KCNH5: variants seen among roughly 807,000 people sequenced by gnomAD.
KCNH5 encodes voltage-gated delayed rectifier potassium channel KCNH5.
KCNH5 carries 46 observed loss-of-function variants against 96.1 expected under a neutral mutation model. The observed-to-expected ratio is 0.48, with a 90% CI of 0.38 to 0.61. The LOEUF (loss-of-function observed/expected upper bound fraction) is 0.61, where lower values mean the gene tolerates loss of function less well. Among genes scored for constraint, KCNH5 ranks in the 20% least tolerant of loss-of-function variants. The pLI, the probability that KCNH5 is intolerant of heterozygous loss-of-function variation, is 0.00. For missense variants in KCNH5, 907 were observed against 1,225.8 expected, an observed-to-expected ratio of 0.74 and a Z score of 3.88; for synonymous variants, 439 against 449.8, an observed-to-expected ratio of 0.98 and a Z score of 0.30.
intron 7 of KCNH5, among the ~76,000 whole-genome samples, chr14:62,928,393 T>C (rs1392877908): frequency 2.0e-5 from 3 of 152,112 alleles, no homozygotes; most frequent in Non-Finnish European, 2.9e-5. Flanking sequence ...AGATTATGAC[T>C]GACAATTAAT....
At chr14:62,882,549 G>A (rs1244371605) in intron 7 of KCNH5, among the ~76,000 whole-genome samples, 1 of 152,192 alleles carries the variant, frequency 6.6e-6, no homozygotes, top group African/African-American at 2.4e-5. Context: ...AGCAGACTGT[G>A]GAGTAGGACC....
At chr14:62,733,762 T>A (rs902430655) in intron 10 of KCNH5, among the ~76,000 whole-genome samples, 1 of 152,186 alleles carries the variant, frequency 6.6e-6, no homozygotes, top group Non-Finnish European at 1.5e-5. Context: ...CACTTTACTC[T>A]TCCAGTAAAT....
intron 2 of KCNH5, among the ~76,000 whole-genome samples, chr14:63,009,563 AG>A (rs1308635118): frequency 6.6e-6 from 1 of 152,184 alleles, no homozygotes; most frequent in Non-Finnish European, 1.5e-5. Context: ...ATGTATTTGA[AG>A]GGGTGACATG....
In KCNH5 at chr14:62,706,873, G is replaced by A. The variant is rs748457248; in HGVS notation, c.*635C>T. On this transcript the variant is annotated 3_prime_UTR_variant, in exon 11 of 11. Transcript: ENST00000322893. The stretch of plus-strand genomic sequence containing the variant: ...CTATCTAAGTATAATGTTAAAAAAC[G>A]AGAGGTATAGTTGATCAAAAATGTA... The A allele has an allele frequency of 4.6e-5, 7 of 152,128 alleles. No individual in the cohort carries two copies. The highest frequency in any genetic ancestry group is 4.4e-5 in the Non-Finnish European group (3 of 67,998). The allele number at this position is 152,128 out of a possible 1,614,324, so 9.4% of individuals were successfully genotyped here.
chr14:62,812,015 G>C (rs369699436), intron 8 of KCNH5, among the ~76,000 whole-genome samples: 4 of 152,262 alleles, frequency 2.6e-5, no homozygotes, highest in African/African-American at 9.6e-5. Context: ...CAGATAAAGT[G>C]AATGTGTCTC....
rs191593313 is a variant in KCNH5, at chr14:63,038,720, A to G, written c.73+6394T>C. Among the ~76,000 whole-genome samples the G allele has an allele frequency of 1.4e-4, 22 of 152,198 alleles. No homozygotes were observed. The East Asian group carries it at 4.0e-3, about 28-fold the overall frequency. ...TGATGTCTAAAATACACACTGATCT[A>G]TGTGACAATAGTTATTACTGCCTCC... On this transcript the variant is annotated intron_variant, in intron 1 of 10. Coordinates refer to ENST00000322893, the MANE Select transcript of KCNH5 (RefSeq NM_139318.5).
chr14:62,990,534 G>A (rs1279687483), intron 4 of KCNH5, among the ~76,000 whole-genome samples: 1 of 151,824 alleles, frequency 6.6e-6, no homozygotes, highest in Non-Finnish European at 1.5e-5. Context: ...AATAAAAATA[G>A]GACTATCATT....
chr14:62,878,274 C>A (rs1888423173), intron 7 of KCNH5, among the ~76,000 whole-genome samples: 1 of 151,534 alleles, frequency 6.6e-6, no homozygotes, highest in African/African-American at 2.4e-5. Flanking sequence ...GTCCAGCACA[C>A]CAGCATGGCA....
Position 62,950,454 on chromosome 14 carries a change from C to A in KCNH5, c.1048G>T (p.Val350Leu), listed in dbSNP as rs770570424. 1.9e-6 allele frequency: 3 copies of A among 1,613,716 alleles called. No homozygotes were observed. Among genetic ancestry groups the A allele is most frequent in the Non-Finnish European group, 2.5e-6 (3 of 1,179,954 alleles). ...AGTCCAAACACACACACCAGGAGCA[C>A]GAGGACTGCTGCTCCATATTCTAGG... ...HYLEYGAAVL[V>L]LLVCVFGLVA... is the part of the protein sequence containing the mutation. Residue 350 changes from valine (V) to leucine (L), a missense_variant, in exon 7 of 11, where the codon GTG becomes TTG. By Grantham distance (32) the Val-to-Leu change is conservative. Transcript: ENST00000322893.
chr14:62,808,750 T>C (rs1886818317), intron 8 of KCNH5, among the ~76,000 whole-genome samples: 1 of 152,138 alleles, frequency 6.6e-6, no homozygotes, highest in Admixed American at 6.6e-5. Flanking sequence ...ATAATTGTTA[T>C]GTAAAACTGT....
At chr14:62,794,779 T>C (rs1886505597) in intron 9 of KCNH5, among the ~76,000 whole-genome samples, 2 of 152,098 alleles carry the variant, frequency 1.3e-5, no homozygotes, top group South Asian at 4.1e-4. Flanking sequence ...GAAAATATGA[T>C]TTTCCTTTCT....
At chr14:62,978,535 C>G (rs374345683) in intron 6 of KCNH5, among the ~76,000 whole-genome samples, 224 of 148,708 alleles carry the variant, frequency 1.5e-3, no homozygotes, top group African/African-American at 5.3e-3. Flanking sequence ...TGCAGTGAGC[C>G]GAGACAGAGC....
intron 1 of KCNH5, among the ~76,000 whole-genome samples, chr14:63,038,288 GTGGAGGACATAAAAGTCTTTT>G (rs1891759636): frequency 6.6e-6 from 1 of 152,220 alleles, no homozygotes; most frequent in Non-Finnish European, 1.5e-5. Flanking sequence ...GCTCTGCACA[GTGGAGGACATAAAAGTCTTTT>G]TAAGATATGA....
intron 7 of KCNH5, among the ~76,000 whole-genome samples, chr14:62,868,107 A>G (rs7149076): frequency 0.02 from 3,094 of 152,360 alleles, 57 homozygotes; most frequent in East Asian, 0.081. Context: ...GAACAAATCA[A>G]TCATTGAGTG....
At chr14:62,844,301 G>C (rs1170424022) in intron 8 of KCNH5, among the ~76,000 whole-genome samples, 1 of 151,742 alleles carries the variant, frequency 6.6e-6, no homozygotes, top group Non-Finnish European at 1.5e-5. Flanking sequence ...TATGCAACAA[G>C]CTGAAAAAAA....
intron 7 of KCNH5, among the ~76,000 whole-genome samples, chr14:62,886,162 G>T (rs927550342): frequency 8.6e-6 from 1 of 116,088 alleles, no homozygotes; most frequent in African/African-American, 3.0e-5. Flanking sequence ...ACACACACAA[G>T]AATATCACTC....
At chr14:62,807,703 A>T (rs1595631642) in intron 8 of KCNH5, among the ~76,000 whole-genome samples, 1 of 151,918 alleles carries the variant, frequency 6.6e-6, no homozygotes, top group East Asian at 1.9e-4. Flanking sequence ...TTTTATATAA[A>T]AAAGGATCTT....
intron 4 of KCNH5, among the ~76,000 whole-genome samples, chr14:62,989,370 T>C (rs188927231): frequency 6.6e-6 from 1 of 152,218 alleles, no homozygotes; most frequent in Non-Finnish European, 1.5e-5. Flanking sequence ...CTTATTAAAA[T>C]CAATAGCAAA....
chr14:62,965,084 G>T (rs4547261), intron 6 of KCNH5, among the ~76,000 whole-genome samples: 21,435 of 152,108 alleles, frequency 0.14, 1,589 homozygotes, highest in African/African-American at 0.18. Flanking sequence ...TATATATAGA[G>T]AGAGAGAGGT....
Sources: allele counts gnomAD v4.1 joint callset (sites outside exome capture counted in the v4.1 genomes callset), GRCh38; gene constraint gnomAD v4.1.1; transcripts MANE v1.5; gene names NCBI Gene and HGNC (gene_info 2026-07-23, HGNC 2026-07-21).